The following EMC1 variants were observed in gnomAD, a reference collection of about 807,000 sequenced individuals.
The protein encoded by EMC1 is KIAA0090.
Under a neutral mutation model 128.8 loss-of-function variants are expected in EMC1, and 103 were observed. The observed-to-expected ratio is 0.80, with a 90% CI of 0.68 to 0.94. The LOEUF (loss-of-function observed/expected upper bound fraction) is 0.94. Ranked by LOEUF, EMC1 falls within the 40% of genes least tolerant of loss-of-function variation. The pLI is 0.00. For synonymous variants in EMC1, 442 were observed against 490.4 expected, an observed-to-expected ratio of 0.90 and a Z score of 1.30; for missense variants, 1,083 against 1,250.6, an observed-to-expected ratio of 0.87 and a Z score of 2.02.
intron 1 of EMC1, among the ~76,000 whole-genome samples, chr1:19,247,508 C>T (rs528629290): frequency 1.4e-4 from 22 of 152,194 alleles, no homozygotes; most frequent in African/African-American, 5.3e-4. Context: ...ACATTGTAGT[C>T]GAATGCATTA....
chr1:19,237,334 T>C, intron 11 of EMC1, 96 bp from the exon 12 acceptor site: 1 of 832,408 alleles, frequency 1.2e-6, no homozygotes. Context: ...TTAACAGAGG[T>C]ACAGGCCATG....
Position 19,237,929 on chromosome 1 carries a change from G to C in EMC1, c.1212+88C>G, listed in dbSNP as rs1244586918. 6.0e-6 allele frequency: 9 copies of C among 1,499,480 alleles called. No homozygotes were observed. In the South Asian group the frequency reaches 1.2e-4, roughly 20 times the overall value. The allele number at this position is 1,499,480 out of a possible 1,614,324, so 92.9% of individuals were successfully genotyped here. A position where few individuals can be genotyped will look rare whatever the true frequency, so the allele number is the denominator to read the frequency against. ...CACATGTTTAGAGAGCCTAATCCAA[G>C]CCCCATGGCTAAGACCTGGCCCTGA... On this transcript the variant is annotated intron_variant, in intron 11 of 22. Transcript: ENST00000477853.
intron 17 of EMC1, among the ~76,000 whole-genome samples, chr1:19,228,268 C>A (rs771438066): frequency 6.6e-6 from 1 of 151,876 alleles, no homozygotes; most frequent in Non-Finnish European, 1.5e-5. Context: ...AATAGTATCC[C>A]GTTGTTTATC....
At chr1:19,241,667 C>A (rs1474979057) in intron 5 of EMC1, among the ~76,000 whole-genome samples, 1 of 152,134 alleles carries the variant, frequency 6.6e-6, no homozygotes, top group African/African-American at 2.4e-5. Flanking sequence ...AAGCACGCAC[C>A]ACCATGCCTG....
chr1:19,242,508 C>G lies in EMC1; in HGVS notation c.381-35G>C, dbSNP rs199842541. The G allele has an allele frequency of 1.6e-3, 2,610 of 1,613,018 alleles. 6 individuals are homozygous for G. Among genetic ancestry groups the G allele is most frequent in the Non-Finnish European group, 1.9e-3 (2,253 of 1,179,460 alleles). On this transcript the variant is annotated intron_variant, in intron 4 of 22. Coordinates refer to ENST00000477853, the MANE Select transcript of EMC1 (RefSeq NM_015047.3). ...AGTACAGGTTGAGAGCAGCCCACAC[C>G]TGCAGAGCCTCAGGCTGGGAGAGAC...
At chr1:19,235,849 C>T (rs559100688) in intron 12 of EMC1, among the ~76,000 whole-genome samples, 2 of 152,102 alleles carry the variant, frequency 1.3e-5, no homozygotes, top group East Asian at 3.9e-4. Flanking sequence ...GCTATGATCA[C>T]GCCACTGTAC....
At chr1:19,224,923 G>A (rs1005542996) in intron 18 of EMC1, among the ~76,000 whole-genome samples, 5 of 152,118 alleles carry the variant, frequency 3.3e-5, no homozygotes, top group Non-Finnish European at 4.4e-5. Flanking sequence ...GGCTCTCCCC[G>A]CAGCTACCCA....
chr1:19,228,997 C>G (rs1317798003), intron 17 of EMC1, among the ~76,000 whole-genome samples: 1 of 152,086 alleles, frequency 6.6e-6, no homozygotes, highest in Non-Finnish European at 1.5e-5. Flanking sequence ...TGAGCTGAGA[C>G]TGCGCCCCTG....
chr1:19,237,263 G>A (rs775264940), intron 11 of EMC1, 25 bp from the exon 12 acceptor site: 4 of 1,570,660 alleles, frequency 2.5e-6, no homozygotes, highest in South Asian at 1.1e-5. Context: ...CAAGACCGGT[G>A]TAGTCAGTGA....
intron 8 of EMC1, 147 bp downstream of exon 8, chr1:19,239,671 C>A: frequency 1.3e-6 from 1 of 741,172 alleles, no homozygotes. Flanking sequence ...GATAAGGCTA[C>A]CTACCCCCTC....
chr1:19,227,508 T>C, intron 17 of EMC1, 58 bp from the exon 18 acceptor site: 3 of 1,601,702 alleles, frequency 1.9e-6, no homozygotes, highest in Admixed American at 3.4e-5. Context: ...CTGAAACAGC[T>C]GGAGTTAGAC....
intron 6 of EMC1, 39 bp downstream of exon 6, chr1:19,240,977 A>G (rs531057952): frequency 1.2e-5 from 20 of 1,607,804 alleles, no homozygotes; most frequent in East Asian, 4.5e-5. Context: ...GTCTCCCCCA[A>G]CCCCACCTTA....
intron 1 of EMC1, among the ~76,000 whole-genome samples, chr1:19,246,750 G>A (rs1390796693): frequency 2.0e-5 from 3 of 152,026 alleles, no homozygotes; most frequent in East Asian, 1.9e-4. Flanking sequence ...ACTGTACTCC[G>A]GCGTGGGTGA....
chr1:19,225,382 T>TG (rs1213612042), intron 18 of EMC1, among the ~76,000 whole-genome samples: 2 of 152,170 alleles, frequency 1.3e-5, no homozygotes, highest in Non-Finnish European at 2.9e-5. Context: ...CTGGGCACGG[T>TG]GGCTCCCGCC....
At chr1:19,220,006 A>T in intron 21 of EMC1, 1 of 328,718 alleles carries the variant, frequency 3.0e-6, no homozygotes, top group South Asian at 4.2e-5. Context: ...AAGCCAACAC[A>T]CTGAACCACT....
At chr1:19,250,796 C>G (rs2093655464) in intron 1 of EMC1, among the ~76,000 whole-genome samples, 1 of 152,118 alleles carries the variant, frequency 6.6e-6, no homozygotes, top group Non-Finnish European at 1.5e-5. Context: ...TCACTTTCCC[C>G]AAGATCACAC....
rs745426052 is a variant in EMC1, at chr1:19,238,032, G to C, written c.1197C>G (p.Gly399=). The change falls in exon 11 of 23, where the codon GGC becomes GGG. Residue 399 remains glycine, a synonymous_variant. Transcript: ENST00000477853. ...TTITFSLEQS[G]TRPERLYIQV... ...TCTGCCTTACCCGCTCAGGCCGAGT[G>C]CCGCTCTGTTCCAGGCTAAATGTTA... The C allele has an allele frequency of 4.3e-6, 7 of 1,613,868 alleles. No individual in the cohort carries two copies. The highest frequency in any genetic ancestry group is 5.9e-6 in the Non-Finnish European group (7 of 1,179,916).
At chr1:19,239,410 C>CCT in intron 8 of EMC1, 108 bp from the exon 9 acceptor site, 1 of 935,236 alleles carries the variant, frequency 1.1e-6, no homozygotes, top group Non-Finnish European at 1.7e-6. Flanking sequence ...GTTGAAAGTG[C>CCT]TCCCCACTTT....
chr1:19,239,442 T>C, intron 8 of EMC1, 140 bp from the exon 9 acceptor site: 1 of 704,690 alleles, frequency 1.4e-6, no homozygotes, highest in Non-Finnish European at 2.5e-6. Flanking sequence ...GTCAGGCATT[T>C]AAGAGCAGAG....
Sources: allele counts gnomAD v4.1 joint callset (sites outside exome capture counted in the v4.1 genomes callset), GRCh38; gene constraint gnomAD v4.1.1; transcripts MANE v1.5; gene names NCBI Gene and HGNC (gene_info 2026-07-23, HGNC 2026-07-21).